Variants in TOP1 observed in about 807,000 individuals in gnomAD.
TOP1 encodes DNA topoisomerase I.
Under a neutral mutation model 111.1 loss-of-function variants are expected in TOP1, and 10 were observed. The observed-to-expected ratio is 0.09, with a 90% CI of 0.06 to 0.15. TOP1 has a LOEUF of 0.15. TOP1 is among the 10% of genes least tolerant of loss of function. The pLI is 1.00. For missense variants in TOP1, 474 were observed against 926.7 expected (o/e 0.51, Z 6.34); for synonymous variants, 271 against 302.9 (o/e 0.89, Z 1.10).
In TOP1 at chr20:41,114,352, T is replaced by C. The variant is rs2145966222; in HGVS notation, c.1638+197T>C. 6.6e-6 allele frequency among the ~76,000 whole-genome samples: 1 copy of C among 152,380 alleles called. No homozygotes were observed. The highest frequency in any genetic ancestry group is 2.1e-4 in the South Asian group (1 of 4,830). The stretch of plus-strand genomic sequence containing the variant: ...TCACTGGAGACCAAAAGTTTGAGGC[T>C]GTAGTGTGCTGTGATCACACCTGTG... On this transcript the variant is annotated intron_variant, in intron 15 of 20. Coordinates refer to ENST00000361337, the MANE Select transcript of TOP1 (RefSeq NM_003286.4). The surrounding 1 kb of genome is among the most constrained non-coding windows in gnomAD (Gnocchi z 4.5).
intron 2 of TOP1, among the ~76,000 whole-genome samples, chr20:41,050,353 T>G (rs1054692764): frequency 6.6e-6 from 1 of 152,250 alleles, no homozygotes; most frequent in Non-Finnish European, 1.5e-5. Flanking sequence ...TCTTTAGAGC[T>G]GAATCCTCCC....
chr20:41,086,356 G>C (rs2033848934), intron 8 of TOP1, among the ~76,000 whole-genome samples: 1 of 151,752 alleles, frequency 6.6e-6, no homozygotes, highest in South Asian at 2.1e-4. Flanking sequence ...CAGTGATCTT[G>C]ACCTTTAAGA....
chr20:41,089,566 A>G (rs1312844490), intron 8 of TOP1, among the ~76,000 whole-genome samples: 2 of 152,194 alleles, frequency 1.3e-5, no homozygotes, highest in African/African-American at 2.4e-5. Context: ...TTTGATGGAC[A>G]TGGGTTATTT....
At position 41,084,366 on chromosome 20, in the gene TOP1, A is replaced by G. The variant is rs909494168; in HGVS notation, c.508-96A>G. 3.6e-5 allele frequency: 23 copies of G among 640,702 alleles called. No individual in the cohort carries two copies. The East Asian group carries it at 3.7e-4, about 10-fold the overall frequency. The allele number at this position is 640,702 out of a possible 1,614,324, so 39.7% of individuals were successfully genotyped here. A position where few individuals can be genotyped will look rare whatever the true frequency, so the allele number is the denominator to read the frequency against. On this transcript the variant is annotated intron_variant, in intron 7 of 20. Coordinates refer to ENST00000361337, the MANE Select transcript of TOP1 (RefSeq NM_003286.4). ...AGATCTTCTTTAGTTCTAATACTCTATGATTACAATTTTTCTTCCTCATGG... is the reference window on the plus strand; with the variant it reads ...AGATCTTCTTTAGTTCTAATACTCTGTGATTACAATTTTTCTTCCTCATGG...
intron 13 of TOP1, among the ~76,000 whole-genome samples, chr20:41,103,922 T>C (rs894679638): frequency 2.6e-5 from 4 of 151,974 alleles, no homozygotes; most frequent in Admixed American, 2.0e-4. Context: ...CGGTATACTC[T>C]CAGATGGCAC....
In TOP1 at chr20:41,101,944, A is replaced by G. The variant is rs2034069773; in HGVS notation, c.1308+591A>G. Among the ~76,000 whole-genome samples the G allele has an allele frequency of 2.0e-5, 3 of 152,348 alleles. No homozygotes were observed. The South Asian group carries it at 6.2e-4, about 32-fold the overall frequency. On this transcript the variant is annotated intron_variant, in intron 13 of 20. Coordinates refer to ENST00000361337, the MANE Select transcript of TOP1 (RefSeq NM_003286.4). This position sits in a 1 kb window ranked among gnomAD's most constrained non-coding sequence, Gnocchi z 4.1. Reference sequence around the variant, plus strand: ...TTATTGATAGTGTTATTGCAAGGAGATAACTGCCTTGGGGGAAATCAGTTT... The same window carrying G: ...TTATTGATAGTGTTATTGCAAGGAGGTAACTGCCTTGGGGGAAATCAGTTT...
rs1336516766 is a variant in TOP1, at chr20:41,030,023, T to G, written c.58+568T>G. ...AGAATGAAAGATTTCCTTAAGCAACTGTTAATTTTTTTTTTGATAGGCTGT... is the reference window on the plus strand; with the variant it reads ...AGAATGAAAGATTTCCTTAAGCAACGGTTAATTTTTTTTTTGATAGGCTGT... On this transcript the variant is annotated intron_variant, in intron 2 of 20. Transcript: ENST00000361337. This position sits in a 1 kb window ranked among gnomAD's most constrained non-coding sequence, Gnocchi z 4.1. 6.6e-6 allele frequency among the ~76,000 whole-genome samples: 1 copy of G among 152,244 alleles called. No homozygotes were observed. Among genetic ancestry groups the G allele is most frequent in the Non-Finnish European group, 1.5e-5 (1 of 68,046 alleles).
intron 2 of TOP1, among the ~76,000 whole-genome samples, chr20:41,038,115 C>T (rs2033212198): frequency 6.6e-6 from 1 of 152,140 alleles, no homozygotes; most frequent in South Asian, 2.1e-4. Flanking sequence ...GCTTTGGTCT[C>T]TTTTTCTTTC....
intron 3 of TOP1, among the ~76,000 whole-genome samples, chr20:41,062,865 G>A (rs1019497733): frequency 3.9e-5 from 6 of 152,128 alleles, no homozygotes; most frequent in African/African-American, 1.4e-4. Flanking sequence ...TGATCTAATC[G>A]ACATTTATAG....
chr20:41,097,970 A>T lies in TOP1; in HGVS notation c.853-245A>T, dbSNP rs1488296188. Among the ~76,000 whole-genome samples the T allele has an allele frequency of 2.0e-5, 3 of 152,198 alleles. No individual in the cohort carries two copies. Among genetic ancestry groups the T allele is most frequent in the Non-Finnish European group, 1.5e-5 (1 of 68,030 alleles). ...TGTGCCACGGAGTCTAAGAAACCAC[A>T]TAAGAATTCATTTTTTTCCATGATA... On this transcript the variant is annotated intron_variant, in intron 10 of 20. Coordinates refer to ENST00000361337, the MANE Select transcript of TOP1 (RefSeq NM_003286.4). This position sits in a 1 kb window ranked among gnomAD's most constrained non-coding sequence, Gnocchi z 4.2.
chr20:41,086,195 G>A (rs6124313), intron 8 of TOP1, among the ~76,000 whole-genome samples: 24,818 of 151,524 alleles, frequency 0.16, 3,119 homozygotes, highest in East Asian at 0.69. Context: ...CCTGGGAGGC[G>A]GAGGTTGCAG....
intron 18 of TOP1, among the ~76,000 whole-genome samples, chr20:41,119,505 T>C (rs1431964296): frequency 6.6e-6 from 1 of 152,234 alleles, no homozygotes; most frequent in Non-Finnish European, 1.5e-5. Flanking sequence ...ATTGAAATTA[T>C]AGATTTTTTC....
chr20:41,116,168 G>A lies in TOP1; in HGVS notation c.1708-110G>A. 1 of 668,918 alleles carries A rather than the reference G, an allele frequency of 1.5e-6. No individual in the cohort carries two copies. Among genetic ancestry groups the A allele is most frequent in the Non-Finnish European group, 2.7e-6 (1 of 376,546 alleles). 41.4% of individuals were successfully genotyped at this position (668,918 alleles called of 1,614,324 possible). ...CTTTCCCTAACTTCCCACTTGTAGG[G>A]CAATAAACTTGACAAGATTGTGACT... On this transcript the variant is annotated intron_variant, in intron 16 of 20. Coordinates refer to ENST00000361337, the MANE Select transcript of TOP1 (RefSeq NM_003286.4). The surrounding 1 kb of genome is among the most constrained non-coding windows in gnomAD (Gnocchi z 5.6).
In TOP1 at chr20:41,122,801, C is replaced by G. The variant is rs929281347; in HGVS notation, c.2196-394C>G. On this transcript the variant is annotated intron_variant, in intron 20 of 20. Coordinates refer to ENST00000361337, the MANE Select transcript of TOP1 (RefSeq NM_003286.4). The surrounding 1 kb of genome is among the most constrained non-coding windows in gnomAD (Gnocchi z 5.4). ...TAGGTCTTTTGTACCTCTTTCTGCT[C>G]GTTTTGCCTTGTTTGGTGCTAGAGA... is the stretch of plus-strand genomic sequence containing the variant. Among the ~76,000 whole-genome samples, 1 of 152,148 alleles carries G rather than the reference C, an allele frequency of 6.6e-6. No individual in the cohort carries two copies. Among genetic ancestry groups the G allele is most frequent in the African/African-American group, 2.4e-5 (1 of 41,426 alleles).
At position 41,121,872 on chromosome 20, in the gene TOP1, T is replaced by C. The variant is rs1368897661; in HGVS notation, c.2045+82T>C. ...TCAGGGCCCCTGGGGCCCTGGCTTT[T>C]CGATGGTTTCTGAGAAATGTCTTTT... On this transcript the variant is annotated intron_variant, in intron 19 of 20. Transcript: ENST00000361337. This position sits in a 1 kb window ranked among gnomAD's most constrained non-coding sequence, Gnocchi z 4.2. 1 of 1,559,478 alleles carries C rather than the reference T, an allele frequency of 6.4e-7. No homozygotes were observed. The highest frequency in any genetic ancestry group is 1.4e-5 in the African/African-American group (1 of 72,618).
At position 41,032,276 on chromosome 20, in the gene TOP1, A is replaced by G. The variant is rs1280386648; in HGVS notation, c.58+2821A>G. On this transcript the variant is annotated intron_variant, in intron 2 of 20. Transcript: ENST00000361337. This position sits in a 1 kb window ranked among gnomAD's most constrained non-coding sequence, Gnocchi z 4.3. ...CCCACTTTGGAGCTCATTCTTCGCAATATTTAAAATTGTAGCTCTTTGCAT... is the reference window on the plus strand; with the variant it reads ...CCCACTTTGGAGCTCATTCTTCGCAGTATTTAAAATTGTAGCTCTTTGCAT... Among the ~76,000 whole-genome samples the G allele has an allele frequency of 6.6e-6, 1 of 152,102 alleles. No individual in the cohort carries two copies. Among genetic ancestry groups the G allele is most frequent in the South Asian group, 2.1e-4 (1 of 4,818 alleles).
rs1181413790 is a variant in TOP1, at chr20:41,102,278, T to G, written c.1308+925T>G. 6.6e-6 allele frequency among the ~76,000 whole-genome samples: 1 copy of G among 152,146 alleles called. No homozygotes were observed. The highest frequency in any genetic ancestry group is 1.5e-5 in the Non-Finnish European group (1 of 68,022). On this transcript the variant is annotated intron_variant, in intron 13 of 20. Coordinates refer to ENST00000361337, the MANE Select transcript of TOP1 (RefSeq NM_003286.4). The surrounding 1 kb of genome is among the most constrained non-coding windows in gnomAD (Gnocchi z 4.0). ...CTTCTGTATATCACTACTTTTCTAA[T>G]GAAAAATACCTGTTTATATATTTTC...
chr20:41,086,706 TTTTA>T (rs1222199947), intron 8 of TOP1, among the ~76,000 whole-genome samples: 1 of 152,186 alleles, frequency 6.6e-6, no homozygotes, highest in African/African-American at 2.4e-5. Flanking sequence ...GACTTTTGGT[TTTTA>T]TTCTTATTTT....
chr20:41,102,244 C>T lies in TOP1; in HGVS notation c.1308+891C>T, dbSNP rs916386379. Among the ~76,000 whole-genome samples the T allele has an allele frequency of 6.6e-6, 1 of 152,154 alleles. No homozygotes were observed. Among genetic ancestry groups the T allele is most frequent in the East Asian group, 1.9e-4 (1 of 5,198 alleles). The stretch of plus-strand genomic sequence containing the variant: ...AAACTGTACATTTTCTGGCTTGTAG[C>T]CCTGTGTTCTTCTGTATATCACTAC... On this transcript the variant is annotated intron_variant, in intron 13 of 20. Transcript: ENST00000361337. This position sits in a 1 kb window ranked among gnomAD's most constrained non-coding sequence, Gnocchi z 4.0.
Sources: allele counts gnomAD v4.1 joint callset (sites outside exome capture counted in the v4.1 genomes callset), GRCh38; gene constraint gnomAD v4.1.1; non-coding constraint Gnocchi (gnomAD v3.1); transcripts MANE v1.5; gene names NCBI Gene and HGNC (gene_info 2026-07-23, HGNC 2026-07-21).